The following CSMD1 variants were observed in gnomAD, a reference collection of about 807,000 sequenced individuals.
CSMD1 encodes the protein CUB and Sushi multiple domains 1.
A neutral mutation model predicts 417.5 loss-of-function variants in CSMD1; 213 were observed. The ratio of observed to expected loss-of-function variants is 0.51; its 90% CI spans 0.46 to 0.57. The LOEUF is 0.57. CSMD1 is among the 20% of genes least tolerant of loss of function. The pLI, the probability that CSMD1 is intolerant of heterozygous loss-of-function variation, is 0.00. For synonymous variants in CSMD1, 2,862 were observed against 1,736.8 expected (o/e 1.65, Z -16.11); for missense variants, 6,923 against 4,529.7 (o/e 1.53, Z -15.17).
At chr8:4,841,929 A>AAAAAAAAAAAAAAAACAAAAC (rs1554499183) in intron 1 of CSMD1, among the ~76,000 whole-genome samples, 1 of 144,368 alleles carries the variant, frequency 6.9e-6, no homozygotes, top group African/African-American at 2.6e-5. Flanking sequence ...AAAAAAAAAA[A>AAAAAAAAAAAAAAAACAAAAC]AAAAAAAAAG....
chr8:4,991,272 T>C (rs1219252046), intron 1 of CSMD1, among the ~76,000 whole-genome samples: 3 of 152,150 alleles, frequency 2.0e-5, no homozygotes, highest in Admixed American at 1.3e-4. Flanking sequence ...AATAGGCATT[T>C]AAAGAGAAAG....
intron 4 of CSMD1, among the ~76,000 whole-genome samples, chr8:4,003,764 C>T (rs769709524): frequency 4.6e-5 from 7 of 152,046 alleles, no homozygotes; most frequent in Non-Finnish European, 8.8e-5. Context: ...TCATATACGC[C>T]GGCAAATTAC....
intron 2 of CSMD1, 86 bp from the exon 3 acceptor site, chr8:4,420,151 G>A (rs760181702): frequency 1.2e-6 from 1 of 847,804 alleles, no homozygotes; most frequent in South Asian, 1.5e-5. Flanking sequence ...TGAATAACTT[G>A]AACAGTGGTA....
intron 47 of CSMD1, among the ~76,000 whole-genome samples, chr8:3,096,213 C>A (rs763523369): frequency 6.6e-6 from 1 of 152,142 alleles, no homozygotes; most frequent in Non-Finnish European, 1.5e-5. Flanking sequence ...TATTCCTAAG[C>A]ATTCTAACTG....
chr8:4,841,737 C>A (rs1248740799), intron 1 of CSMD1, among the ~76,000 whole-genome samples: 3 of 151,432 alleles, frequency 2.0e-5, no homozygotes, highest in Non-Finnish European at 4.4e-5. Context: ...ATGGTGAAAC[C>A]CTGTCTCTAC....
chr8:4,001,345 A>AC (rs1464176434), intron 4 of CSMD1, among the ~76,000 whole-genome samples: 1 of 152,068 alleles, frequency 6.6e-6, no homozygotes, highest in Non-Finnish European at 1.5e-5. Flanking sequence ...CAGGGCCCCC[A>AC]CCCTGCAGCC....
chr8:3,795,007 A>ATATCTATCTATCATATATAGCTATAG (rs1563086783), intron 5 of CSMD1, among the ~76,000 whole-genome samples: 3 of 103,458 alleles, frequency 2.9e-5, no homozygotes. Context: ...TATAGCTATA[A>ATATCTATCTATCATATATAGCTATAG]ATACATATCT....
At chr8:4,288,666 C>T (rs1797193890) in intron 3 of CSMD1, among the ~76,000 whole-genome samples, 1 of 152,126 alleles carries the variant, frequency 6.6e-6, no homozygotes, top group Non-Finnish European at 1.5e-5. Flanking sequence ...AATAAAATTC[C>T]TTTTCAACAT....
intron 26 of CSMD1, among the ~76,000 whole-genome samples, chr8:3,232,076 T>C (rs4546683): frequency 0.59 from 89,876 of 152,014 alleles, 26,943 homozygotes; most frequent in South Asian, 0.72. Flanking sequence ...CTCTAAGCAA[T>C]AGAGTATTTA....
chr8:3,969,640 C>G (rs1812940496), intron 5 of CSMD1, among the ~76,000 whole-genome samples: 1 of 152,156 alleles, frequency 6.6e-6, no homozygotes, highest in Admixed American at 6.5e-5. Flanking sequence ...GAAAATGCTA[C>G]CACATTTAAA....
chr8:4,333,590 C>T (rs117557811), intron 3 of CSMD1, among the ~76,000 whole-genome samples: 2,924 of 152,250 alleles, frequency 0.019, 39 homozygotes, highest in South Asian at 0.049. Context: ...TATTATTACT[C>T]TTGCTGTTGT....
intron 7 of CSMD1, among the ~76,000 whole-genome samples, chr8:3,621,062 G>A (rs892864601): frequency 6.6e-6 from 1 of 152,142 alleles, no homozygotes; most frequent in South Asian, 2.1e-4. Flanking sequence ...ATAAAGGAAA[G>A]TCCATGTGAA....
At chr8:4,108,606 G>A (rs1222927526) in intron 3 of CSMD1, among the ~76,000 whole-genome samples, 2 of 152,198 alleles carry the variant, frequency 1.3e-5, no homozygotes, top group Non-Finnish European at 2.9e-5. Flanking sequence ...CAACAGCACA[G>A]GTTCCCGGCC....
chr8:3,263,921 C>G (rs1319444378), intron 26 of CSMD1, among the ~76,000 whole-genome samples: 1 of 152,090 alleles, frequency 6.6e-6, no homozygotes, highest in Non-Finnish European at 1.5e-5. Context: ...CACTTTTTAC[C>G]TAATGGTAAC....
chr8:3,416,516 G>A (rs73657870), intron 12 of CSMD1, among the ~76,000 whole-genome samples: 1 of 152,088 alleles, frequency 6.6e-6, no homozygotes, highest in Non-Finnish European at 1.5e-5. Context: ...TTCAAAAAGA[G>A]CTAAGAAGGC....
chr8:3,428,663 A>G (rs568719341), intron 12 of CSMD1, among the ~76,000 whole-genome samples: 1 of 152,134 alleles, frequency 6.6e-6, no homozygotes, highest in Non-Finnish European at 1.5e-5. Context: ...TTATAAAAGT[A>G]AAAAAGAACT....
chr8:4,881,899 T>C (rs765263759), intron 1 of CSMD1, among the ~76,000 whole-genome samples: 5 of 152,156 alleles, frequency 3.3e-5, no homozygotes, highest in East Asian at 3.9e-4. Flanking sequence ...GGGAAAAACA[T>C]TGATGCTGGA....
At chr8:3,661,285 C>G (rs1408673066) in intron 7 of CSMD1, among the ~76,000 whole-genome samples, 1 of 152,136 alleles carries the variant, frequency 6.6e-6, no homozygotes, top group Non-Finnish European at 1.5e-5. Flanking sequence ...CCATTTATAC[C>G]CTGCTGAGCG....
intron 5 of CSMD1, among the ~76,000 whole-genome samples, chr8:3,881,363 C>T (rs144497493): frequency 1.6e-3 from 240 of 150,996 alleles, no homozygotes; most frequent in African/African-American, 5.2e-3. Flanking sequence ...GGGCCGGGTG[C>T]GGTGGCTTAT....
Sources: gnomAD v4.1 joint callset for allele counts (sites outside exome capture counted in the v4.1 genomes callset) on GRCh38, gnomAD v4.1.1 for gene constraint, MANE v1.5 for transcripts, NCBI Gene and HGNC (gene_info 2026-07-23, HGNC 2026-07-21) for gene names.